KIFBP: variants seen among roughly 807,000 people sequenced by gnomAD.
KIFBP encodes KIF-binding protein.
KIFBP carries 46 observed loss-of-function variants against 58.9 expected under a neutral mutation model. The observed-to-expected ratio is 0.78, with a 90% CI of 0.62 to 1.00. The LOEUF is 1.00. Ranked by LOEUF, KIFBP falls within the 50% of genes least tolerant of loss-of-function variation. The pLI is 0.00. For synonymous variants in KIFBP, 241 were observed against 283.4 expected (o/e 0.85, Z 1.50); for missense variants, 651 against 752.9 (o/e 0.86, Z 1.58).
intron 1 of KIFBP, among the ~76,000 whole-genome samples, chr10:68,992,068 ATTGCAACTTCCACCCTCC>A (rs1402699879): frequency 6.6e-5 from 10 of 151,714 alleles, no homozygotes; most frequent in Non-Finnish European, 1.2e-4. Context: ...TTCACAGCTC[ATTGCAACTTCCACCCTCC>A]TGGCTTAAGC....
intron 2 of KIFBP, among the ~76,000 whole-genome samples, chr10:69,003,335 G>A (rs1007212040): frequency 1.3e-5 from 2 of 152,294 alleles, no homozygotes; most frequent in Non-Finnish European, 2.9e-5. Flanking sequence ...CTTATCTATT[G>A]TGTTTGCCTT....
Position 68,994,187 on chromosome 10 carries a change from G to GA in KIFBP, c.426+4941dup, listed in dbSNP as rs996594991. Among the ~76,000 whole-genome samples, 889 of 138,794 alleles carry GA rather than the reference G, an allele frequency of 6.4e-3. 4 individuals carry two copies. The highest frequency in any genetic ancestry group is 0.012 in the South Asian group (52 of 4,458). 91.1% of individuals were successfully genotyped at this position (138,794 alleles called of 152,430 possible). ...GGTGACAGAGTAAGACCCTGTCTCA[G>GA]AAAAAAAAAAAATTTATAGAATGAT... On this transcript the variant is annotated intron_variant, in intron 1 of 6. Transcript: ENST00000361983.
At chr10:69,013,587 G>T (rs1267521928) in intron 6 of KIFBP, among the ~76,000 whole-genome samples, 1 of 152,098 alleles carries the variant, frequency 6.6e-6, no homozygotes, top group Non-Finnish European at 1.5e-5. Flanking sequence ...AAGATTTAGA[G>T]ACTTATGATC....
At chr10:69,006,129 A>G in intron 4 of KIFBP, 2 of 574,196 alleles carry the variant, frequency 3.5e-6, no homozygotes, top group Non-Finnish European at 6.2e-6. Flanking sequence ...ACCGAGTTTT[A>G]TCATTGTTTT....
rs371300766 is a variant in KIFBP, at chr10:68,989,014, C to G, written c.182C>G (p.Pro61Arg). 16 of 1,614,008 alleles carry G rather than the reference C, an allele frequency of 9.9e-6. No homozygotes were observed. The highest frequency in any genetic ancestry group is 6.7e-5 in the East Asian group (3 of 44,888). The part of the protein sequence containing the change: ...GPAPEDEDER[P>R]EAEDGPGAGD... Reference sequence around the variant, plus strand: ...GCGCCTGAGGACGAGGATGAGCGGCCTGAGGCCGAGGACGGCCCGGGTGCC... The same window carrying G: ...GCGCCTGAGGACGAGGATGAGCGGCGTGAGGCCGAGGACGGCCCGGGTGCC... Residue 61 changes from proline to arginine, a missense_variant, in exon 1 of 7, where the codon CCT becomes CGT. Physicochemically the swap from Pro to Arg is moderately radical, Grantham distance 103. Transcript: ENST00000361983.
intron 1 of KIFBP, among the ~76,000 whole-genome samples, chr10:68,998,772 T>TA (rs55852817): frequency 0.3 from 17,663 of 59,796 alleles, 1,093 homozygotes; most frequent in South Asian, 0.37. Context: ...TATATATATA[T>TA]TTTTTTTTTT....
At chr10:69,008,221 G>A (rs1843553893) in intron 4 of KIFBP, among the ~76,000 whole-genome samples, 1 of 150,932 alleles carries the variant, frequency 6.6e-6, no homozygotes. Flanking sequence ...GCCAGGAGTT[G>A]GAGACCTGTT....
intron 6 of KIFBP, among the ~76,000 whole-genome samples, chr10:69,014,918 TTTTG>T (rs1436983806): frequency 2.6e-5 from 4 of 152,006 alleles, no homozygotes; most frequent in Admixed American, 6.6e-5. Flanking sequence ...ATTACAGTCT[TTTTG>T]TTTGTTTGTT....
chr10:69,000,358 C>G, intron 1 of KIFBP, 66 bp from the exon 2 acceptor site: 2 of 1,083,746 alleles, frequency 1.8e-6, no homozygotes, highest in Non-Finnish European at 2.8e-6. Context: ...GACTTCAAAA[C>G]TATGAAAGTT....
chr10:69,012,835 G>A (rs1249779575), intron 6 of KIFBP, among the ~76,000 whole-genome samples: 1 of 152,104 alleles, frequency 6.6e-6, no homozygotes. Flanking sequence ...AGAAGTTGCA[G>A]TGAGCCAAGA....
In KIFBP at chr10:69,015,925, G is replaced by A. The variant is rs777693937; in HGVS notation, c.1375G>A (p.Val459Ile). ...RRIAMLEPLT[V>I]DLNPQYYLLV... ...AATAGCCATGCTAGAGCCCCTAACT[G>A]TAGACCTGAATCCACAGTATTATCT... Residue 459 changes from valine to isoleucine, a missense_variant, in exon 7 of 7, where the codon GTA becomes ATA. By Grantham distance (29) the Val-to-Ile change is conservative. Coordinates refer to ENST00000361983, the MANE Select transcript of KIFBP (RefSeq NM_015634.4). The A allele has an allele frequency of 6.8e-6, 11 of 1,614,168 alleles. No individual in the cohort carries two copies. Among genetic ancestry groups the A allele is most frequent in the South Asian group, 4.4e-5 (4 of 91,078 alleles).
chr10:69,004,942 A>T, intron 2 of KIFBP, 104 bp from the exon 3 acceptor site: 1 of 734,208 alleles, frequency 1.4e-6, no homozygotes, highest in South Asian at 1.6e-5. Context: ...AAAAAATGAA[A>T]TGTATTTGGC....
intron 6 of KIFBP, among the ~76,000 whole-genome samples, chr10:69,013,371 A>G (rs1030272320): frequency 6.6e-6 from 1 of 152,216 alleles, no homozygotes; most frequent in African/African-American, 2.4e-5. Context: ...TTAAGGAAAG[A>G]CAGGAAGTAG....
chr10:69,007,016 A>C (rs1843543598), intron 4 of KIFBP: 1 of 152,222 alleles, frequency 6.6e-6, no homozygotes, highest in Non-Finnish European at 1.5e-5. Context: ...AGTGTTATCC[A>C]GTGCCTCCGC....
rs780541028 is a variant in KIFBP at position 68,995,691 on chromosome 10, C to T, written c.427-4733C>T. Among the ~76,000 whole-genome samples the T allele has an allele frequency of 8.8e-4, 134 of 152,266 alleles. 1 individual carries two copies. Among genetic ancestry groups the T allele is most frequent in the Middle Eastern group, 6.8e-3 (2 of 294 alleles). On this transcript the variant is annotated intron_variant, in intron 1 of 6. Coordinates refer to ENST00000361983, the MANE Select transcript of KIFBP (RefSeq NM_015634.4). ...TTTGTGTAGTGTTGGTGTTAAACTT[C>T]ATTACATGTTTGGCAGAATTTACCA...
chr10:69,008,742 A>T, intron 4 of KIFBP, 99 bp from the exon 5 acceptor site: 1 of 947,274 alleles, frequency 1.1e-6, no homozygotes, highest in Non-Finnish European at 1.7e-6. Flanking sequence ...TTTTTATCTG[A>T]TTTTATACCT....
intron 1 of KIFBP, among the ~76,000 whole-genome samples, chr10:68,998,757 G>GTA (rs1554842726): frequency 0.011 from 876 of 79,870 alleles, 17 homozygotes; most frequent in Admixed American, 0.026. Flanking sequence ...ATACATATAT[G>GTA]TATATATATA....
In KIFBP at chr10:69,005,939, T is replaced by TTCTTG; in HGVS notation, c.789+24_789+25insTCTTG. 3 of 1,597,518 alleles carry TTCTTG rather than the reference T, an allele frequency of 1.9e-6. No homozygotes were observed. In the South Asian group the frequency reaches 3.3e-5, roughly 18 times the overall value. ...AGGTAAGCTTCTTGAAGTAGTTATCTAACAGAGTACCAATAGTGAGTATAA... is the reference window on the plus strand; with the variant it reads ...AGGTAAGCTTCTTGAAGTAGTTATCTTCTTGAACAGAGTACCAATAGTGAGTATAA... On this transcript the variant is annotated intron_variant, in intron 4 of 6. Coordinates refer to ENST00000361983, the MANE Select transcript of KIFBP (RefSeq NM_015634.4).
intron 1 of KIFBP, 60 bp from the exon 2 acceptor site, chr10:69,000,364 A>G: frequency 1.8e-6 from 2 of 1,130,548 alleles, no homozygotes; most frequent in Non-Finnish European, 2.7e-6. Flanking sequence ...AAAACTATGA[A>G]AGTTACTTTA....
Sources: gnomAD v4.1 joint callset for allele counts (sites outside exome capture counted in the v4.1 genomes callset) on GRCh38, gnomAD v4.1.1 for gene constraint, MANE v1.5 for transcripts, NCBI Gene and HGNC (gene_info 2026-07-23, HGNC 2026-07-21) for gene names.